Variants in SPEF2 observed in about 807,000 individuals in gnomAD.
SPEF2 encodes sperm flagellar and cilia associated 2.
A neutral mutation model predicts 224.6 loss-of-function variants in SPEF2; 187 were observed. The observed-to-expected ratio is 0.83, with a 90% CI of 0.74 to 0.94. The LOEUF (loss-of-function observed/expected upper bound fraction) is 0.94, where lower values mean the gene tolerates loss of function less well. SPEF2 is among the 40% of genes least tolerant of loss of function. The pLI, the probability that SPEF2 is intolerant of heterozygous loss-of-function variation, is 0.00. For missense variants in SPEF2, 2,170 were observed against 2,135.6 expected (o/e 1.02, Z -0.32); for synonymous variants, 715 against 707.3 (o/e 1.01, Z -0.17).
At chr5:35,705,842 C>T in intron 18 of SPEF2, 34 bp downstream of exon 18, 1 of 1,321,604 alleles carries the variant, frequency 7.6e-7, no homozygotes, top group Non-Finnish European at 1.0e-6. Context: ...TGAGTTTAGG[C>T]AACTAAAATG....
intron 10 of SPEF2, chr5:35,671,654 C>A: frequency 2.2e-6 from 1 of 446,972 alleles, no homozygotes; most frequent in Non-Finnish European, 3.0e-6. Context: ...TCTTACAAAT[C>A]AGGAGACCTA....
intron 23 of SPEF2, among the ~76,000 whole-genome samples, chr5:35,751,764 A>G (rs1009877174): frequency 1.3e-5 from 2 of 152,226 alleles, no homozygotes; most frequent in Non-Finnish European, 2.9e-5. Context: ...TAGGCATTAA[A>G]CTGCTTGGGT....
chr5:35,737,864 C>T (rs1746889608), intron 21 of SPEF2, among the ~76,000 whole-genome samples: 2 of 152,172 alleles, frequency 1.3e-5, no homozygotes, highest in Non-Finnish European at 2.9e-5. Flanking sequence ...TCCACATCCT[C>T]TCCAGCACCT....
intron 5 of SPEF2, among the ~76,000 whole-genome samples, chr5:35,648,385 GT>G (rs1179280438): frequency 3.5e-5 from 5 of 143,560 alleles, no homozygotes; most frequent in African/African-American, 5.2e-5. Flanking sequence ...GTTTTTTTTT[GT>G]TTGTTTTTTT....
intron 33 of SPEF2, among the ~76,000 whole-genome samples, chr5:35,797,399 T>C (rs1756827077): frequency 6.6e-6 from 1 of 151,258 alleles, no homozygotes; most frequent in Non-Finnish European, 1.5e-5. Context: ...GAAGTGGTGT[T>C]TTCCATCCGC....
chr5:35,807,373 G>A, intron 36 of SPEF2, 120 bp downstream of exon 36: 1 of 1,386,644 alleles, frequency 7.2e-7, no homozygotes, highest in Admixed American at 2.3e-5. Context: ...GGCCAGGCCA[G>A]AATCTGGAGA....
chr5:35,764,128 T>C (rs1038466572), intron 26 of SPEF2, among the ~76,000 whole-genome samples: 2 of 152,200 alleles, frequency 1.3e-5, no homozygotes, highest in African/African-American at 4.8e-5. Context: ...ATTCAGATTT[T>C]TATGTAAAAC....
At chr5:35,728,183 C>A (rs1225258509) in intron 21 of SPEF2, among the ~76,000 whole-genome samples, 5 of 152,162 alleles carry the variant, frequency 3.3e-5, no homozygotes, top group Non-Finnish European at 7.3e-5. Flanking sequence ...ATCCCCATCA[C>A]AATGCTTTTA....
At chr5:35,728,360 G>A (rs1580473577) in intron 21 of SPEF2, among the ~76,000 whole-genome samples, 2 of 152,200 alleles carry the variant, frequency 1.3e-5, no homozygotes, top group East Asian at 3.9e-4. Flanking sequence ...AGCTCAACTC[G>A]CAAGGCCCAG....
intron 9 of SPEF2, among the ~76,000 whole-genome samples, chr5:35,667,529 AG>A (rs1750649416): frequency 6.6e-6 from 1 of 151,722 alleles, no homozygotes; most frequent in Admixed American, 6.6e-5. Context: ...TAAAACTTTG[AG>A]GAAAAAAATG....
At chr5:35,679,951 A>T (rs1172287995) in intron 10 of SPEF2, among the ~76,000 whole-genome samples, 1 of 152,156 alleles carries the variant, frequency 6.6e-6, no homozygotes, top group Admixed American at 6.6e-5. Context: ...TTCTCAAGGG[A>T]TTTATTTTTC....
intron 36 of SPEF2, among the ~76,000 whole-genome samples, chr5:35,808,948 T>A (rs191729258): frequency 4.9e-4 from 75 of 151,578 alleles, no homozygotes; most frequent in African/African-American, 1.7e-3. Flanking sequence ...AGTAGTGAAA[T>A]ATGATTACAG....
At position 35,753,821 on chromosome 5, in the gene SPEF2, C is replaced by T. The variant is rs1256487454; in HGVS notation, c.3468+60C>T. 5 of 1,597,854 alleles carry T rather than the reference C, an allele frequency of 3.1e-6. No individual in the cohort carries two copies. In the Admixed American group the frequency reaches 8.4e-5, roughly 27 times the overall value. ...CCCTTCACAGCCTCATTCCTCAGTCCTTCATATGACACTTTCTTGGGAATA... is the reference window on the plus strand; with the variant it reads ...CCCTTCACAGCCTCATTCCTCAGTCTTTCATATGACACTTTCTTGGGAATA... On this transcript the variant is annotated intron_variant, in intron 24 of 36. Coordinates refer to ENST00000356031, the MANE Select transcript of SPEF2 (RefSeq NM_024867.4).
intron 2 of SPEF2, among the ~76,000 whole-genome samples, chr5:35,634,851 C>T (rs1745608812): frequency 6.6e-6 from 1 of 151,926 alleles, no homozygotes; most frequent in Non-Finnish European, 1.5e-5. Context: ...ATATTATTAT[C>T]AAATAAAATC....
chr5:35,772,594 T>A (rs979901999), intron 27 of SPEF2, among the ~76,000 whole-genome samples: 3 of 151,950 alleles, frequency 2.0e-5, no homozygotes, highest in Non-Finnish European at 4.4e-5. Context: ...CAGCCAGGAA[T>A]GGGAGTTAAA....
intron 10 of SPEF2, among the ~76,000 whole-genome samples, chr5:35,689,552 T>G (rs975262381): frequency 1.3e-5 from 2 of 152,178 alleles, no homozygotes; most frequent in African/African-American, 2.4e-5. Flanking sequence ...TTCTCATCGT[T>G]ATGTCCATGT....
At chr5:35,649,024 AAAAG>A (rs1253555383) in intron 5 of SPEF2, among the ~76,000 whole-genome samples, 44 of 152,044 alleles carry the variant, frequency 2.9e-4, no homozygotes, top group African/African-American at 8.7e-4. Context: ...AAAAAAAAAA[AAAAG>A]AAAGAAAAAA....
intron 5 of SPEF2, among the ~76,000 whole-genome samples, chr5:35,647,264 G>T (rs985807642): frequency 6.6e-6 from 1 of 151,944 alleles, no homozygotes; most frequent in Admixed American, 6.6e-5. Flanking sequence ...TAAGGAGAAG[G>T]GGGAGGGGAA....
chr5:35,779,180 A>G lies in SPEF2; in HGVS notation c.4281A>G (p.Glu1427=). The change falls in exon 30 of 37, where the codon GAA becomes GAG. Residue 1427 remains glutamate, a synonymous_variant. Coordinates refer to ENST00000356031, the MANE Select transcript of SPEF2 (RefSeq NM_024867.4). Reference sequence around the variant, plus strand: ...AAACATCTACAAAAATTCAGAATGAACTTTATTTAAGCCAAGAAGACTTCT... The same window carrying G: ...AAACATCTACAAAAATTCAGAATGAGCTTTATTTAAGCCAAGAAGACTTCT... The part of the protein sequence containing the change: ...HIETSTKIQN[E]LYLSQEDFFI... The G allele has an allele frequency of 6.2e-7, 1 of 1,613,862 alleles. No homozygotes were observed. Among genetic ancestry groups the G allele is most frequent in the African/African-American group, 1.3e-5 (1 of 75,020 alleles).
Sources: allele counts gnomAD v4.1 joint callset (sites outside exome capture counted in the v4.1 genomes callset), GRCh38; gene constraint gnomAD v4.1.1; transcripts MANE v1.5; gene names NCBI Gene and HGNC (gene_info 2026-07-23, HGNC 2026-07-21).